SYT1: variants seen among roughly 807,000 people sequenced by gnomAD.
SYT1 encodes synaptotagmin 1.
Under a neutral mutation model 44.8 loss-of-function variants are expected in SYT1, and 8 were observed. The observed-to-expected ratio is 0.18, with a 90% CI of 0.10 to 0.32. SYT1 has a LOEUF of 0.32. Ranked by LOEUF, SYT1 falls within the 10% of genes least tolerant of loss-of-function variation. The pLI is 1.00. For missense variants in SYT1, 286 were observed against 509.3 expected, an observed-to-expected ratio of 0.56 and a Z score of 4.22; for synonymous variants, 154 against 188.8, an observed-to-expected ratio of 0.82 and a Z score of 1.51.
chr12:79,112,572 G>A (rs868834096), intron 3 of SYT1, among the ~76,000 whole-genome samples: 1 of 152,114 alleles, frequency 6.6e-6, no homozygotes, highest in Non-Finnish European at 1.5e-5. Context: ...GAAGCTCAAA[G>A]TAGGGACACT....
chr12:78,906,872 C>T (rs1264152972), intron 1 of SYT1, among the ~76,000 whole-genome samples: 1 of 152,098 alleles, frequency 6.6e-6, no homozygotes, highest in Non-Finnish European at 1.5e-5. Context: ...CCTACTGTGT[C>T]AAACGTTATG....
intron 2 of SYT1, among the ~76,000 whole-genome samples, chr12:79,007,412 A>G (rs1871162947): frequency 6.6e-6 from 1 of 152,088 alleles, no homozygotes; most frequent in Non-Finnish European, 1.5e-5. Flanking sequence ...GAAAACATGC[A>G]TGTTTTATGT....
chr12:78,971,935 CAT>C (rs1868411972), intron 1 of SYT1, among the ~76,000 whole-genome samples: 1 of 152,174 alleles, frequency 6.6e-6, no homozygotes, highest in African/African-American at 2.4e-5. Flanking sequence ...AATGCATAAA[CAT>C]GTATAATTTT....
chr12:78,876,970 C>G (rs1016111870), intron 1 of SYT1, among the ~76,000 whole-genome samples: 3 of 70,114 alleles, frequency 4.3e-5, no homozygotes, highest in African/African-American at 1.6e-4. Flanking sequence ...TTAAATGCAC[C>G]TGGCTCCTCT....
chr12:79,340,654 T>C (rs888134283), intron 8 of SYT1, among the ~76,000 whole-genome samples: 5 of 152,206 alleles, frequency 3.3e-5, no homozygotes, highest in African/African-American at 1.2e-4. Context: ...TTGAATACCC[T>C]TTATTTCTTT....
intron 4 of SYT1, among the ~76,000 whole-genome samples, chr12:79,242,669 G>GT (rs535747381): frequency 6.6e-6 from 1 of 152,188 alleles, no homozygotes; most frequent in Non-Finnish European, 1.5e-5. Context: ...CAACTGCCAA[G>GT]TAGCAGGGCA....
intron 9 of SYT1, among the ~76,000 whole-genome samples, chr12:79,434,898 C>G (rs967950735): frequency 6.6e-6 from 1 of 151,936 alleles, no homozygotes; most frequent in Non-Finnish European, 1.5e-5. Flanking sequence ...CCTACTCTAG[C>G]CTTGTGCTTA....
chr12:79,235,595 T>C (rs1273925990), intron 4 of SYT1, among the ~76,000 whole-genome samples: 1 of 149,378 alleles, frequency 6.7e-6, no homozygotes, highest in African/African-American at 2.4e-5. Context: ...AGAATATTCA[T>C]TTCATATATA....
intron 9 of SYT1, among the ~76,000 whole-genome samples, chr12:79,375,377 C>T (rs1009059929): frequency 2.0e-5 from 3 of 152,118 alleles, no homozygotes; most frequent in Non-Finnish European, 2.9e-5. Flanking sequence ...CAAAACAGAT[C>T]GTGTAGTGTA....
chr12:79,188,876 C>A (rs1360009899), intron 3 of SYT1, among the ~76,000 whole-genome samples: 1 of 151,978 alleles, frequency 6.6e-6, no homozygotes, highest in Middle Eastern at 3.2e-3. Flanking sequence ...TTTTCAAGTC[C>A]TTGAAAATGC....
chr12:79,416,716 G>A (rs532863076), intron 9 of SYT1, among the ~76,000 whole-genome samples: 2 of 152,218 alleles, frequency 1.3e-5, no homozygotes, highest in East Asian at 3.9e-4. Flanking sequence ...TGAGTAAAAA[G>A]TAATCAGCCA....
chr12:78,911,120 G>A (rs928045897), intron 1 of SYT1, among the ~76,000 whole-genome samples: 9 of 151,986 alleles, frequency 5.9e-5, no homozygotes, highest in African/African-American at 2.2e-4. Context: ...TTGTAAATAG[G>A]TGAAAGTAGC....
intron 4 of SYT1, among the ~76,000 whole-genome samples, chr12:79,269,073 T>C (rs575175564): frequency 6.7e-6 from 1 of 148,634 alleles, no homozygotes; most frequent in African/African-American, 2.4e-5. Flanking sequence ...TCCAGGCCCC[T>C]TTTATCTTGC....
At chr12:79,201,708 A>G (rs1873799542) in intron 3 of SYT1, among the ~76,000 whole-genome samples, 1 of 152,208 alleles carries the variant, frequency 6.6e-6, no homozygotes, top group East Asian at 1.9e-4. Context: ...GTCATCAACA[A>G]TCTTGAGCTA....
intron 3 of SYT1, among the ~76,000 whole-genome samples, chr12:79,065,687 A>G (rs577345553): frequency 1.3e-5 from 2 of 152,298 alleles, no homozygotes; most frequent in East Asian, 3.9e-4. Flanking sequence ...TCACTTCACA[A>G]ATTCTTAATG....
intron 9 of SYT1, among the ~76,000 whole-genome samples, chr12:79,429,381 A>AT (rs1281038051): frequency 6.9e-6 from 1 of 144,156 alleles, no homozygotes; most frequent in Non-Finnish European, 1.5e-5. Context: ...AAATTTTTGT[A>AT]TTTTTATTAG....
chr12:78,959,692 T>C (rs17046111), intron 1 of SYT1, among the ~76,000 whole-genome samples: 4,259 of 152,264 alleles, frequency 0.028, 204 homozygotes, highest in African/African-American at 0.097. Context: ...CTTAAGAATA[T>C]GTGCCCATCA....
At chr12:79,417,033 AC>A in intron 9 of SYT1, among the ~76,000 whole-genome samples, 1 of 152,246 alleles carries the variant, frequency 6.6e-6, no homozygotes, top group East Asian at 1.9e-4. Context: ...TTTGTAACTT[AC>A]TCTGAATTGC....
chr12:78,931,292 AAGGAAGGAAGGAAGGAGAGGGAGGGAGG>A (rs1877687848), intron 1 of SYT1, among the ~76,000 whole-genome samples: 2 of 92,298 alleles, frequency 2.2e-5, no homozygotes, highest in Admixed American at 1.0e-4. Context: ...GGAAGGAAGG[AAGGAAGGAAGGAAGGAGAGGGAGGGAGG>A]GAGGGAGGGA....
Sources: gnomAD v4.1 joint callset for allele counts (sites outside exome capture counted in the v4.1 genomes callset) on GRCh38, gnomAD v4.1.1 for gene constraint, MANE v1.5 for transcripts, NCBI Gene and HGNC (gene_info 2026-07-23, HGNC 2026-07-21) for gene names.